The following RPS6KC1 variants were observed in gnomAD, a reference collection of about 807,000 sequenced individuals.
The protein encoded by RPS6KC1 is ribosomal protein S6 kinase C1.
Under a neutral mutation model 103.8 loss-of-function variants are expected in RPS6KC1, and 54 were observed. The ratio of observed to expected loss-of-function variants is 0.52; its 90% CI spans 0.42 to 0.65. The LOEUF (loss-of-function observed/expected upper bound fraction) is 0.65. RPS6KC1 is among the 30% of genes least tolerant of loss of function. The pLI is 0.00. For synonymous variants in RPS6KC1, 439 were observed against 438.7 expected (o/e 1.00, Z -0.01); for missense variants, 1,151 against 1,253.8 (o/e 0.92, Z 1.24).
chr1:213,828,331 G>A, the RPS6KC1 span, among the ~76,000 whole-genome samples: 8 of 152,088 alleles, frequency 5.3e-5, no homozygotes, highest in Non-Finnish European at 7.4e-5. Context: ...GACACCCACC[G>A]CAGGGCATGT....
intron 3 of RPS6KC1, among the ~76,000 whole-genome samples, chr1:213,085,301 A>G (rs2148607737): frequency 6.6e-6 from 1 of 152,270 alleles, no homozygotes; most frequent in Non-Finnish European, 1.5e-5. Context: ...TTATAAGGAC[A>G]CTTGTGAAGC....
chr1:213,615,804 G>T, the RPS6KC1 span, among the ~76,000 whole-genome samples: 3 of 152,260 alleles, frequency 2.0e-5, no homozygotes, highest in Admixed American at 6.5e-5. Flanking sequence ...CATCCAGCCT[G>T]CTTCCCTTTG....
chr1:213,860,405 C>CAAA, the RPS6KC1 span, among the ~76,000 whole-genome samples: 1 of 145,524 alleles, frequency 6.9e-6, no homozygotes, highest in Non-Finnish European at 1.5e-5. Flanking sequence ...GTAAGAGAAA[C>CAAA]AAAAAAAAAA....
chr1:213,525,505 C>T, the RPS6KC1 span, among the ~76,000 whole-genome samples: 2 of 151,982 alleles, frequency 1.3e-5, no homozygotes, highest in African/African-American at 2.4e-5. Context: ...GGCTATAATA[C>T]ATTTGTATTT....
intron 9 of RPS6KC1, among the ~76,000 whole-genome samples, chr1:213,231,586 G>T (rs1286708181): frequency 1.3e-5 from 2 of 152,156 alleles, no homozygotes; most frequent in Non-Finnish European, 2.9e-5. Context: ...TTGTGTGTGT[G>T]TGTGAATATA....
chr1:213,589,095 C>T, the RPS6KC1 span, among the ~76,000 whole-genome samples: 1 of 152,084 alleles, frequency 6.6e-6, no homozygotes, highest in South Asian at 2.1e-4. Flanking sequence ...TGGTGAGTCA[C>T]CTGAGGGCTC....
chr1:213,109,354 G>T (rs184145160), intron 4 of RPS6KC1, among the ~76,000 whole-genome samples: 2 of 151,786 alleles, frequency 1.3e-5, no homozygotes, highest in East Asian at 3.9e-4. Context: ...AGCCAGGATG[G>T]TCTCAATCTC....
the RPS6KC1 span, among the ~76,000 whole-genome samples, chr1:213,545,855 C>T: frequency 6.6e-6 from 1 of 152,170 alleles, no homozygotes; most frequent in East Asian, 1.9e-4. Context: ...CAGTCTCATT[C>T]CTCTTGTGTG....
In RPS6KC1 at chr1:213,241,914, A is replaced by T; in HGVS notation, c.2438A>T (p.Asn813Ile). 1.2e-6 allele frequency: 2 copies of T among 1,614,056 alleles called. No individual in the cohort carries two copies. Among genetic ancestry groups the T allele is most frequent in the Non-Finnish European group, 1.7e-6 (2 of 1,179,968 alleles). ...GVVESAVTANNTEESLFRICS... is the reference protein window; with the variant it reads ...GVVESAVTANITEESLFRICS... The stretch of plus-strand genomic sequence containing the variant: ...GTTGAGTCAGCAGTAACTGCAAACA[A>T]CACAGAAGAAAGCTTATTCCGTATT... Residue 813 changes from asparagine to isoleucine, a missense_variant, in exon 11 of 15, where the codon AAC (asparagine) becomes ATC (isoleucine). Physicochemically the swap from Asn to Ile is moderately radical, Grantham distance 149. This residue lies in a region of RPS6KC1 where 959 missense variants were observed against 1,006.3 expected (regional missense o/e 0.95). Coordinates refer to ENST00000366960, the MANE Select transcript of RPS6KC1 (RefSeq NM_012424.6).
At chr1:213,344,345 A>C in the RPS6KC1 span, among the ~76,000 whole-genome samples, 1 of 152,202 alleles carries the variant, frequency 6.6e-6, no homozygotes, top group Non-Finnish European at 1.5e-5. Flanking sequence ...TGATTTTTTA[A>C]ATGTGTATTT....
the RPS6KC1 span, among the ~76,000 whole-genome samples, chr1:213,434,167 T>G: frequency 6.6e-6 from 1 of 152,116 alleles, no homozygotes; most frequent in Non-Finnish European, 1.5e-5. Context: ...CCATTATTTG[T>G]ATAGTTGCTA....
At chr1:213,798,244 T>G in the RPS6KC1 span, among the ~76,000 whole-genome samples, 1 of 152,148 alleles carries the variant, frequency 6.6e-6, no homozygotes, top group Non-Finnish European at 1.5e-5. Context: ...CTTCAAAAGG[T>G]GACCAAACGG....
the RPS6KC1 span, among the ~76,000 whole-genome samples, chr1:213,322,678 A>C: frequency 6.6e-6 from 1 of 152,132 alleles, no homozygotes; most frequent in Non-Finnish European, 1.5e-5. Flanking sequence ...AGACTTTTCC[A>C]CTTTCCAAAG....
At chr1:213,074,592 G>A (rs1160013119) in intron 2 of RPS6KC1, among the ~76,000 whole-genome samples, 1 of 152,098 alleles carries the variant, frequency 6.6e-6, no homozygotes, top group Admixed American at 6.6e-5. Flanking sequence ...GGCAGTGGAT[G>A]TGACATTTTG....
At chr1:213,774,624 T>C in the RPS6KC1 span, among the ~76,000 whole-genome samples, 95 of 152,328 alleles carry the variant, frequency 6.2e-4, no homozygotes, top group African/African-American at 2.2e-3. Context: ...AACTCCATTA[T>C]GGCAGGCATT....
the RPS6KC1 span, among the ~76,000 whole-genome samples, chr1:213,647,853 GA>G: frequency 3.9e-5 from 6 of 152,082 alleles, no homozygotes; most frequent in African/African-American, 7.2e-5. Flanking sequence ...TCAACAGAAG[GA>G]AAAAGTAATC....
At chr1:213,174,425 T>C (rs1213436467) in intron 7 of RPS6KC1, among the ~76,000 whole-genome samples, 2 of 152,174 alleles carry the variant, frequency 1.3e-5, no homozygotes, top group Admixed American at 6.5e-5. Context: ...GTCCCAGCAC[T>C]TTCGGAGGAC....
At chr1:213,801,882 G>A in the RPS6KC1 span, among the ~76,000 whole-genome samples, 1 of 152,238 alleles carries the variant, frequency 6.6e-6, no homozygotes, top group African/African-American at 2.4e-5. Context: ...TTGGAGAGAA[G>A]AGGTAGGTGG....
intron 6 of RPS6KC1, among the ~76,000 whole-genome samples, chr1:213,153,664 TA>T (rs2089527693): frequency 6.6e-6 from 1 of 152,222 alleles, no homozygotes; most frequent in Non-Finnish European, 1.5e-5. Flanking sequence ...TTACTATTAC[TA>T]GTGAGTTTTG....
Sources: allele counts gnomAD v4.1 joint callset (sites outside exome capture counted in the v4.1 genomes callset), GRCh38; gene constraint gnomAD v4.1.1; regional missense constraint gnomAD v4.1.1; transcripts MANE v1.5; gene names NCBI Gene and HGNC (gene_info 2026-07-23, HGNC 2026-07-21).